FREM3: variants seen among roughly 807,000 people sequenced by gnomAD.
FREM3 encodes FRAS1 related extracellular matrix 3.
A neutral mutation model predicts 129.1 loss-of-function variants in FREM3; 105 were observed. The ratio of observed to expected loss-of-function variants is 0.81; its 90% CI spans 0.69 to 0.96. The LOEUF (loss-of-function observed/expected upper bound fraction) is 0.96. Ranked by LOEUF, FREM3 falls within the 40% of genes least tolerant of loss-of-function variation. FREM3 has a pLI of 0.00. For synonymous variants in FREM3, 1,014 were observed against 1,044.9 expected, an observed-to-expected ratio of 0.97 and a Z score of 0.57; for missense variants, 2,593 against 2,666.3, an observed-to-expected ratio of 0.97 and a Z score of 0.61.
intron 2 of FREM3, among the ~76,000 whole-genome samples, chr4:143,683,340 C>G (rs904927258): frequency 2.6e-5 from 4 of 152,192 alleles, no homozygotes; most frequent in East Asian, 1.9e-4. Flanking sequence ...AGAGTCCCCC[C>G]CAAACTGTGA....
At chr4:143,593,006 T>C (rs1738394539) in intron 6 of FREM3, among the ~76,000 whole-genome samples, 1 of 152,258 alleles carries the variant, frequency 6.6e-6, no homozygotes, top group African/African-American at 2.4e-5. Flanking sequence ...CCATCGCTGT[T>C]ACCCTTTCTT....
At chr4:143,672,204 C>T (rs957957880) in intron 2 of FREM3, among the ~76,000 whole-genome samples, 2 of 152,172 alleles carry the variant, frequency 1.3e-5, no homozygotes, top group Admixed American at 6.5e-5. Context: ...TAAATGACCT[C>T]GAAACCCCAA....
chr4:143,692,940 C>G (rs1230354062), intron 2 of FREM3, among the ~76,000 whole-genome samples, 173 bp downstream of exon 2: 1 of 152,106 alleles, frequency 6.6e-6, no homozygotes, highest in African/African-American at 2.4e-5. Context: ...TCGTTTGGCA[C>G]AGGACCATAA....
intron 6 of FREM3, among the ~76,000 whole-genome samples, chr4:143,600,943 C>A (rs1738561164): frequency 6.7e-6 from 1 of 149,840 alleles, no homozygotes; most frequent in East Asian, 1.9e-4. Flanking sequence ...ATGCTCTTTT[C>A]TCCTTTCTGT....
rs112470555 is a variant in FREM3 at position 143,667,908 on chromosome 4, A to G, written c.5275+25205T>C. On this transcript the variant is annotated intron_variant, in intron 2 of 7. Coordinates refer to ENST00000329798, the MANE Select transcript of FREM3 (RefSeq NM_001168235.2). ...TTTTGAGTAAACATCATAACAAGGCATTCTGTTTCAGAGAATTTGTACTTA... is the reference window on the plus strand; with the variant it reads ...TTTTGAGTAAACATCATAACAAGGCGTTCTGTTTCAGAGAATTTGTACTTA... 9.9e-3 allele frequency among the ~76,000 whole-genome samples: 1,511 copies of G among 152,350 alleles called. 25 individuals carry two copies. Among genetic ancestry groups the G allele is most frequent in the African/African-American group, 0.035 (1,452 of 41,586 alleles).
Position 143,697,906 on chromosome 4 carries a change from G to A in FREM3, c.2770C>T (p.His924Tyr), listed in dbSNP as rs967951319. 1 of 1,537,880 alleles carries A rather than the reference G, an allele frequency of 6.5e-7. No homozygotes were observed. The highest frequency in any genetic ancestry group is 1.4e-5 in the African/African-American group (1 of 73,156). ...ATTGGGATGGTGATGGGTATATGGTGCACCCCATCACTTACTTCCAGATGG... is the reference window on the plus strand; with the variant it reads ...ATTGGGATGGTGATGGGTATATGGTACACCCCATCACTTACTTCCAGATGG... The part of the protein sequence containing the change: ...TFHLEVSDGV[H>Y]HIPITIPISV... The change falls in exon 1 of 8, where the codon CAC becomes TAC. Residue 924 changes from histidine to tyrosine, a missense_variant. Coordinates refer to ENST00000329798, the MANE Select transcript of FREM3 (RefSeq NM_001168235.2).
chr4:143,602,702 A>T (rs1217767322), intron 6 of FREM3, among the ~76,000 whole-genome samples: 1 of 152,122 alleles, frequency 6.6e-6, no homozygotes, highest in Admixed American at 6.6e-5. Context: ...AAGGAATGTG[A>T]CCAAATGTAA....
intron 7 of FREM3, among the ~76,000 whole-genome samples, chr4:143,583,527 A>C (rs1394169766): frequency 9.9e-5 from 15 of 152,224 alleles, no homozygotes; most frequent in Admixed American, 9.8e-4. Flanking sequence ...CAAGGTTGAC[A>C]TGAAAGAAAA....
chr4:143,619,133 G>A (rs1738904620), intron 5 of FREM3, among the ~76,000 whole-genome samples: 1 of 152,122 alleles, frequency 6.6e-6, no homozygotes, highest in Non-Finnish European at 1.5e-5. Flanking sequence ...TGCCCAAAGA[G>A]TGATCTTTTG....
Position 143,698,087 on chromosome 4 carries a change from T to C in FREM3, c.2589A>G (p.Gln863=), listed in dbSNP as rs560870160. The change falls in exon 1 of 8, where the codon CAA becomes CAG. Residue 863 remains glutamine, a synonymous_variant. Coordinates refer to ENST00000329798, the MANE Select transcript of FREM3 (RefSeq NM_001168235.2). ...GACCCCGGACTAATATGAAGACAAT[T>C]TGGTCAATGTCTGTGTCTGGGTCTG... ...HVTDPDTDID[Q]IVFILVRGPQ... is the part of the protein sequence containing the mutation. 2.8e-5 allele frequency: 43 copies of C among 1,537,342 alleles called. No homozygotes were observed. The South Asian group carries it at 4.0e-4, about 14-fold the overall frequency.
intron 2 of FREM3, among the ~76,000 whole-genome samples, chr4:143,669,617 G>A (rs1453746585): frequency 6.8e-6 from 1 of 148,086 alleles, no homozygotes; most frequent in Non-Finnish European, 1.5e-5. Flanking sequence ...GAAGTTTTAT[G>A]TAACACTAAT....
intron 2 of FREM3, among the ~76,000 whole-genome samples, chr4:143,667,707 C>G (rs144150717): frequency 2.0e-5 from 3 of 152,198 alleles, no homozygotes; most frequent in Admixed American, 6.5e-5. Context: ...GCCAGCACTA[C>G]AAAATGTCTG....
chr4:143,613,695 T>C (rs1051893275), intron 5 of FREM3, among the ~76,000 whole-genome samples: 2 of 152,194 alleles, frequency 1.3e-5, no homozygotes, highest in Non-Finnish European at 2.9e-5. Flanking sequence ...GAACTATACC[T>C]TTGGAGAACA....
At chr4:143,592,776 A>T (rs1203245094) in intron 6 of FREM3, among the ~76,000 whole-genome samples, 1 of 152,094 alleles carries the variant, frequency 6.6e-6, no homozygotes, top group Non-Finnish European at 1.5e-5. Context: ...CTGAATTTGA[A>T]TGTTGGCCTG....
At chr4:143,657,833 A>C (rs1488888494) in intron 2 of FREM3, among the ~76,000 whole-genome samples, 1 of 152,044 alleles carries the variant, frequency 6.6e-6, no homozygotes, top group African/African-American at 2.4e-5. Context: ...CTTCATACCC[A>C]ACACTTCCCA....
chr4:143,677,626 A>C (rs1203831396), intron 2 of FREM3, among the ~76,000 whole-genome samples: 1 of 152,196 alleles, frequency 6.6e-6, no homozygotes, highest in African/African-American at 2.4e-5. Context: ...ATGGGAGAAA[A>C]ATTTTGCAAT....
At chr4:143,598,223 G>A (rs1738516500) in intron 6 of FREM3, among the ~76,000 whole-genome samples, 1 of 152,224 alleles carries the variant, frequency 6.6e-6, no homozygotes, top group African/African-American at 2.4e-5. Context: ...TCAGTGGTCT[G>A]AGGCAGGTAG....
chr4:143,693,119 C>A lies in FREM3; in HGVS notation c.5269G>T (p.Asp1757Tyr), dbSNP rs1176087025. The A allele has an allele frequency of 1.3e-6, 2 of 1,487,128 alleles. No individual in the cohort carries two copies. 92.1% of individuals were successfully genotyped at this position (1,487,128 alleles called of 1,614,324 possible). Residue 1757 changes from aspartate (D) to tyrosine (Y), a missense_variant, in exon 2 of 8, where the codon GAC (aspartate) becomes TAC (tyrosine). Asp to Tyr is a radical substitution (Grantham distance 160, BLOSUM62 -3). Transcript: ENST00000329798. ...AGGGTTTATTATGACTTACCATTGT[C>A]TTCAACAGAGAAATAGAAGATGTCC... The part of the protein sequence containing the change: ...SKDIFYFSVE[D>Y]NGGNKLTNQP...
chr4:143,608,630 A>T (rs1474934042), intron 6 of FREM3, among the ~76,000 whole-genome samples: 6 of 152,190 alleles, frequency 3.9e-5, no homozygotes, highest in Admixed American at 3.9e-4. Flanking sequence ...TTTTAAAAGA[A>T]ATTTCCTTCT....
Sources: allele counts gnomAD v4.1 joint callset (sites outside exome capture counted in the v4.1 genomes callset), GRCh38; gene constraint gnomAD v4.1.1; transcripts MANE v1.5; gene names NCBI Gene and HGNC (gene_info 2026-07-23, HGNC 2026-07-21).